Variants in NXPE2 observed in about 807,000 individuals in gnomAD.
The protein encoded by NXPE2 is neurexophilin and PC-esterase domain family member 2, also known as NXPE family member 2.
A neutral mutation model predicts 34.4 loss-of-function variants in NXPE2; 34 were observed. The observed-to-expected ratio is 0.99, with a 90% CI of 0.75 to 1.31. The LOEUF (loss-of-function observed/expected upper bound fraction) is 1.31. NXPE2 is among the 40% of genes most tolerant of loss of function. NXPE2 has a pLI of 0.00. For missense variants in NXPE2, 649 were observed against 672.5 expected (o/e 0.97, Z 0.39); for synonymous variants, 235 against 231.3 (o/e 1.02, Z -0.15).
chr11:114,733,708 A>G, the NXPE2 span, among the ~76,000 whole-genome samples: 1 of 152,160 alleles, frequency 6.6e-6, no homozygotes, highest in Non-Finnish European at 1.5e-5. Context: ...TGATCATCTT[A>G]TGGGGTCAAC....
the NXPE2 span, among the ~76,000 whole-genome samples, chr11:114,591,073 C>G: frequency 6.6e-6 from 1 of 152,132 alleles, no homozygotes; most frequent in Non-Finnish European, 1.5e-5. Context: ...CCTGGAAAAT[C>G]CAGACTGGAC....
At chr11:114,730,180 TTTG>T in the NXPE2 span, among the ~76,000 whole-genome samples, 145 of 152,272 alleles carry the variant, frequency 9.5e-4, no homozygotes, top group African/African-American at 3.4e-3. Context: ...TGTTCCTTTT[TTTG>T]TTGAATTTGT....
chr11:114,766,400 C>T, the NXPE2 span, among the ~76,000 whole-genome samples: 2 of 152,176 alleles, frequency 1.3e-5, no homozygotes, highest in African/African-American at 2.4e-5. Context: ...CATCCAACTA[C>T]TCACTGACTC....
chr11:114,785,020 C>T, the NXPE2 span, among the ~76,000 whole-genome samples: 2 of 151,490 alleles, frequency 1.3e-5, no homozygotes, highest in African/African-American at 4.9e-5. Flanking sequence ...TTTAGCTCCC[C>T]AAGGAGAGAC....
chr11:114,673,488 A>G, the NXPE2 span, among the ~76,000 whole-genome samples: 12 of 151,796 alleles, frequency 7.9e-5, no homozygotes, highest in Non-Finnish European at 2.9e-5. Context: ...AGAGCAGAAA[A>G]ATAGAGAATA....
chr11:114,650,927 A>T, the NXPE2 span, among the ~76,000 whole-genome samples: 1 of 152,122 alleles, frequency 6.6e-6, no homozygotes, highest in Non-Finnish European at 1.5e-5. Flanking sequence ...AATACTGGCT[A>T]ACAGAGATGG....
the NXPE2 span, among the ~76,000 whole-genome samples, chr11:114,577,345 G>T: frequency 6.6e-6 from 1 of 151,844 alleles, no homozygotes; most frequent in African/African-American, 2.4e-5. Flanking sequence ...TGGGAACTAA[G>T]CTATGAGGAC....
the NXPE2 span, among the ~76,000 whole-genome samples, chr11:114,510,400 A>T: frequency 6.6e-6 from 1 of 152,012 alleles, no homozygotes; most frequent in Non-Finnish European, 1.5e-5. Context: ...TGCCCAGCTA[A>T]TTTTTAATTT....
At chr11:114,762,690 C>G in the NXPE2 span, among the ~76,000 whole-genome samples, 5 of 152,170 alleles carry the variant, frequency 3.3e-5, no homozygotes, top group African/African-American at 1.2e-4. Flanking sequence ...TGGGAAGATT[C>G]CCTGGACACC....
At chr11:114,505,448 CAG>C in the NXPE2 span, among the ~76,000 whole-genome samples, 1 of 151,462 alleles carries the variant, frequency 6.6e-6, no homozygotes, top group Admixed American at 6.6e-5. Flanking sequence ...GTCAAAATGA[CAG>C]AAAAAATGTT....
At chr11:114,466,421 G>A in the NXPE2 span, among the ~76,000 whole-genome samples, 1 of 152,152 alleles carries the variant, frequency 6.6e-6, no homozygotes, top group African/African-American at 2.4e-5. Context: ...GCTACCACCA[G>A]CAGTGTAAGA....
At chr11:114,656,441 T>C in the NXPE2 span, among the ~76,000 whole-genome samples, 22 of 152,138 alleles carry the variant, frequency 1.4e-4, no homozygotes, top group Non-Finnish European at 1.2e-4. Flanking sequence ...TTGAATTTCG[T>C]ATGGAATCAA....
the NXPE2 span, among the ~76,000 whole-genome samples, chr11:114,623,081 G>A: frequency 6.6e-6 from 1 of 152,100 alleles, no homozygotes; most frequent in South Asian, 2.1e-4. Context: ...ACTGTTATCT[G>A]GTGGATAATT....
At chr11:114,609,141 C>T in the NXPE2 span, among the ~76,000 whole-genome samples, 1 of 151,706 alleles carries the variant, frequency 6.6e-6, no homozygotes. Context: ...TAAGTATTGC[C>T]TCGTGGGTAA....
At chr11:114,800,773 T>TAAAAGAAGATAAA in the NXPE2 span, among the ~76,000 whole-genome samples, 2 of 137,474 alleles carry the variant, frequency 1.5e-5, no homozygotes, top group Non-Finnish European at 3.2e-5. Flanking sequence ...TAACACTGTT[T>TAAAAGAAGATAAA]AAAAGAAGAT....
the NXPE2 span, among the ~76,000 whole-genome samples, chr11:114,623,461 G>A: frequency 1.3e-5 from 2 of 152,178 alleles, no homozygotes; most frequent in East Asian, 3.9e-4. Flanking sequence ...GTTATCCGGT[G>A]CATAATAATT....
At chr11:114,594,636 T>C in the NXPE2 span, 17 of 1,438,766 alleles carry the variant, frequency 1.2e-5, no homozygotes, top group Admixed American at 2.9e-4. Context: ...TAAGCTTCTG[T>C]AAACCACATA....
chr11:114,692,008 G>T (rs1009914847), intron 2 of NXPE2, among the ~76,000 whole-genome samples: 5 of 152,182 alleles, frequency 3.3e-5, no homozygotes, highest in African/African-American at 1.2e-4. Context: ...CTCTCCTCCT[G>T]CTCCAGGCCT....
At chr11:114,739,484 T>C in the NXPE2 span, among the ~76,000 whole-genome samples, 1 of 151,564 alleles carries the variant, frequency 6.6e-6, no homozygotes, top group Non-Finnish European at 1.5e-5. Context: ...AACTGACTAA[T>C]AAAATTTGTA....
Sources: allele counts gnomAD v4.1 joint callset (sites outside exome capture counted in the v4.1 genomes callset), GRCh38; gene constraint gnomAD v4.1.1; transcripts MANE v1.5; gene names NCBI Gene and HGNC (gene_info 2026-07-23, HGNC 2026-07-21).